The following EML1 variants were observed in gnomAD, a reference collection of about 807,000 sequenced individuals.
The protein encoded by EML1 is echinoderm microtubule-associated protein-like 1.
EML1 carries 27 observed loss-of-function variants against 110.4 expected under a neutral mutation model. That is an observed-to-expected ratio of 0.24 (90% CI 0.18 to 0.34). The LOEUF (loss-of-function observed/expected upper bound fraction) is 0.34, where lower values mean the gene tolerates loss of function less well. EML1 is among the 10% of genes least tolerant of loss of function. The pLI is 1.00. For synonymous variants in EML1, 344 were observed against 385.8 expected (o/e 0.89, Z 1.27); for missense variants, 741 against 1,030.9 (o/e 0.72, Z 3.85).
At chr14:99,932,404 G>A (rs552689855) in intron 17 of EML1, among the ~76,000 whole-genome samples, 22 of 151,126 alleles carry the variant, frequency 1.5e-4, no homozygotes, top group African/African-American at 5.1e-4. Flanking sequence ...TTGGGAGGCC[G>A]AGGCAAGTGG....
chr14:99,754,150 C>T (rs1009368910), intron 1 of EML1, among the ~76,000 whole-genome samples: 1 of 152,236 alleles, frequency 6.6e-6, no homozygotes. Context: ...CCCTGGGTTG[C>T]GAGGACACAG....
At chr14:99,935,781 C>CAAAAAA (rs1160100015) in intron 17 of EML1, among the ~76,000 whole-genome samples, 2 of 83,706 alleles carry the variant, frequency 2.4e-5, no homozygotes, top group Admixed American at 1.3e-4. Context: ...GACTCCGTCT[C>CAAAAAA]AAAAAAAAAA....
intron 1 of EML1, among the ~76,000 whole-genome samples, chr14:99,748,978 C>T (rs185556866): frequency 2.8e-4 from 42 of 152,316 alleles, no homozygotes; most frequent in Middle Eastern, 6.8e-3. Context: ...CGTGTTGGAG[C>T]CTGTATCCAT....
At position 99,868,944 on chromosome 14, in the gene EML1, A is replaced by G. The variant is rs141694568; in HGVS notation, c.383+3298A>G. ...TCTTTTTATGAAAACTTTGATCACT[A>G]TAGACTTCCCTCTTAGTACCCCTTT... On this transcript the variant is annotated intron_variant, in intron 3 of 21. Transcript: ENST00000262233. Among the ~76,000 whole-genome samples the G allele has an allele frequency of 3.9e-3, 587 of 152,248 alleles. 5 individuals are homozygous for G. The highest frequency in any genetic ancestry group is 0.013 in the African/African-American group (559 of 41,530).
intron 1 of EML1, among the ~76,000 whole-genome samples, chr14:99,818,429 T>G (rs2058205314): frequency 6.6e-6 from 1 of 152,138 alleles, no homozygotes; most frequent in South Asian, 2.1e-4. Context: ...AGGCAGGATT[T>G]GATGATTGAT....
intron 2 of EML1, among the ~76,000 whole-genome samples, chr14:99,861,281 GCCA>G (rs1329978778): frequency 6.6e-6 from 1 of 152,214 alleles, no homozygotes; most frequent in Non-Finnish European, 1.5e-5. Flanking sequence ...GATGACGGTG[GCCA>G]GGGCAAGGCG....
At position 99,828,157 on chromosome 14, in the gene EML1, C is replaced by T. The variant is rs534465209; in HGVS notation, c.68-22696C>T. ...CTCTTTTGTTTTGAATATTTCTGTT[C>T]GCTATTCTTATACAGCAGTCTTCCG... On this transcript the variant is annotated intron_variant, in intron 1 of 21. Coordinates refer to ENST00000262233, the MANE Select transcript of EML1 (RefSeq NM_004434.3). Among the ~76,000 whole-genome samples the T allele has an allele frequency of 9.9e-5, 15 of 152,232 alleles. No homozygotes were observed. In the East Asian group the frequency reaches 2.1e-3, roughly 22 times the overall value.
chr14:99,818,697 G>A (rs2058210718), intron 1 of EML1, among the ~76,000 whole-genome samples: 1 of 152,260 alleles, frequency 6.6e-6, no homozygotes, highest in Non-Finnish European at 1.5e-5. Flanking sequence ...AGTCATCAGT[G>A]TAGGTCGTGG....
intron 1 of EML1, among the ~76,000 whole-genome samples, chr14:99,743,715 C>G (rs1359009935): frequency 6.6e-6 from 1 of 152,214 alleles, no homozygotes; most frequent in African/African-American, 2.4e-5. Flanking sequence ...CTGGGGGCCC[C>G]ACGCCAGTGT....
intron 2 of EML1, among the ~76,000 whole-genome samples, chr14:99,858,799 A>G (rs1419982466): frequency 2.6e-5 from 4 of 152,204 alleles, no homozygotes; most frequent in African/African-American, 7.2e-5. Context: ...CCAGTTCTAA[A>G]TACAGACATC....
Position 99,894,769 on chromosome 14 carries a change from T to A in EML1, c.677+11T>A. The A allele has an allele frequency of 1.2e-6, 2 of 1,604,452 alleles. No homozygotes were observed. On this transcript the variant is annotated intron_variant, in intron 6 of 21. Coordinates refer to ENST00000262233, the MANE Select transcript of EML1 (RefSeq NM_004434.3). The stretch of plus-strand genomic sequence containing the variant: ...CAAGCTGGAATGGGTGTATCCTTTA[T>A]TCATTGATTAGGTCTCACATGAAGT...
At chr14:99,909,846 A>C (rs528565985) in intron 11 of EML1, among the ~76,000 whole-genome samples, 1 of 151,760 alleles carries the variant, frequency 6.6e-6, no homozygotes, top group Admixed American at 6.6e-5. Context: ...AGGGGACAGC[A>C]CCTTTTCCCG....
intron 15 of EML1, chr14:99,915,453 T>G (rs1480289546): frequency 1.3e-5 from 2 of 151,948 alleles, no homozygotes; most frequent in African/African-American, 4.8e-5. Context: ...CTCTGTGAAT[T>G]TTGCAAAAGA....
chr14:99,906,897 C>T (rs1191376659), intron 9 of EML1: 1 of 152,520 alleles, frequency 6.6e-6, no homozygotes, highest in Non-Finnish European at 1.5e-5. Context: ...TATTCACACA[C>T]ATGTGCACGT....
chr14:99,795,736 A>G (rs1372533039), intron 1 of EML1, among the ~76,000 whole-genome samples: 1 of 152,236 alleles, frequency 6.6e-6, no homozygotes, highest in African/African-American at 2.4e-5. Flanking sequence ...TTTTCTTTTT[A>G]AATGAGAGAC....
intron 9 of EML1, among the ~76,000 whole-genome samples, chr14:99,902,719 CCA>C (rs1251109944): frequency 6.6e-6 from 1 of 152,186 alleles, no homozygotes; most frequent in African/African-American, 2.4e-5. Context: ...CCAAGCCCAG[CCA>C]TAGGTTTATA....
chr14:99,737,992 C>T, intron 1 of EML1: 1 of 938,618 alleles, frequency 1.1e-6, no homozygotes, highest in Non-Finnish European at 1.4e-6. Context: ...TTGCCCGACG[C>T]CTGGGGGGCC....
intron 1 of EML1, among the ~76,000 whole-genome samples, chr14:99,750,953 G>A (rs914483458): frequency 3.8e-4 from 58 of 152,044 alleles, no homozygotes; most frequent in Admixed American, 3.5e-3. Context: ...TAGCTCCCTC[G>A]CCTTCCACCT....
chr14:99,838,826 G>C (rs901678643), intron 1 of EML1, among the ~76,000 whole-genome samples: 7 of 152,074 alleles, frequency 4.6e-5, no homozygotes, highest in African/African-American at 1.7e-4. Context: ...TGGAGTGGGG[G>C]AAAGCTATCA....
Sources: allele counts gnomAD v4.1 joint callset (sites outside exome capture counted in the v4.1 genomes callset), GRCh38; gene constraint gnomAD v4.1.1; transcripts MANE v1.5; gene names NCBI Gene and HGNC (gene_info 2026-07-23, HGNC 2026-07-21).